The following EEFSEC variants were observed in gnomAD, a reference collection of about 807,000 sequenced individuals.
EEFSEC encodes the protein selenocysteine-specific elongation factor.
Under a neutral mutation model 42.1 loss-of-function variants are expected in EEFSEC, and 43 were observed. The observed-to-expected ratio is 1.02, with a 90% CI of 0.80 to 1.32. The LOEUF (loss-of-function observed/expected upper bound fraction) is 1.32. Ranked by LOEUF, EEFSEC falls within the 40% of genes most tolerant of loss-of-function variation. The pLI is 0.00. For synonymous variants in EEFSEC, 354 were observed against 339.1 expected (o/e 1.04, Z -0.48); for missense variants, 745 against 803.6 (o/e 0.93, Z 0.88).
chr3:128,255,876 G>C (rs1014724807), intron 2 of EEFSEC, among the ~76,000 whole-genome samples: 5 of 152,150 alleles, frequency 3.3e-5, no homozygotes, highest in Non-Finnish European at 7.4e-5. Context: ...TATCAGCATG[G>C]GTTCCTGGAA....
intron 6 of EEFSEC, among the ~76,000 whole-genome samples, chr3:128,360,003 G>A (rs1328489346): frequency 6.6e-6 from 1 of 152,206 alleles, no homozygotes; most frequent in African/African-American, 2.4e-5. Context: ...ATGAGCAAGG[G>A]CAATGGTCAC....
chr3:128,395,803 C>A (rs574737024), intron 6 of EEFSEC, among the ~76,000 whole-genome samples: 9 of 152,228 alleles, frequency 5.9e-5, no homozygotes, highest in African/African-American at 2.2e-4. Context: ...ATACAGCACC[C>A]TCAGCCACAG....
At chr3:128,425,496 T>C in the EEFSEC span, among the ~76,000 whole-genome samples, 1 of 152,192 alleles carries the variant, frequency 6.6e-6, no homozygotes, top group Non-Finnish European at 1.5e-5. Context: ...CATCGGTGCT[T>C]CTCTCCCATA....
At chr3:128,263,067 G>A (rs909892997) in intron 3 of EEFSEC, among the ~76,000 whole-genome samples, 2 of 152,194 alleles carry the variant, frequency 1.3e-5, no homozygotes, top group Non-Finnish European at 2.9e-5. Context: ...GGTTAAATGA[G>A]TTAATGTGTA....
chr3:128,233,378 G>A (rs535472384), intron 1 of EEFSEC, among the ~76,000 whole-genome samples: 19 of 152,312 alleles, frequency 1.2e-4, no homozygotes, highest in African/African-American at 4.3e-4. Context: ...AATAGTAGAG[G>A]TAGTATCCAT....
intron 6 of EEFSEC, among the ~76,000 whole-genome samples, chr3:128,397,791 C>T (rs2067999328): frequency 6.6e-6 from 1 of 152,278 alleles, no homozygotes; most frequent in Non-Finnish European, 1.5e-5. Context: ...CCCAGCTGCT[C>T]TGGCCCATGG....
At chr3:128,219,587 A>G (rs1017141302) in intron 1 of EEFSEC, among the ~76,000 whole-genome samples, 1 of 151,876 alleles carries the variant, frequency 6.6e-6, no homozygotes, top group East Asian at 1.9e-4. Context: ...ACCTCCCACC[A>G]CTTTATCCCA....
At chr3:128,370,126 G>T (rs929521084) in intron 6 of EEFSEC, among the ~76,000 whole-genome samples, 2 of 152,216 alleles carry the variant, frequency 1.3e-5, no homozygotes, top group African/African-American at 4.8e-5. Context: ...GCCCAGGTTG[G>T]TTGTTTCCCA....
intron 1 of EEFSEC, among the ~76,000 whole-genome samples, chr3:128,210,729 C>T (rs2065747522): frequency 6.6e-6 from 1 of 152,212 alleles, no homozygotes; most frequent in African/African-American, 2.4e-5. Flanking sequence ...AGCCTTGATT[C>T]ACACGTGTCA....
In EEFSEC at chr3:128,341,439, C is replaced by A; in HGVS notation, c.993C>A (p.Thr331=). 6.2e-7 allele frequency: 1 copy of A among 1,614,194 alleles called. No homozygotes were observed. Among genetic ancestry groups the A allele is most frequent in the Non-Finnish European group, 8.5e-7 (1 of 1,180,034 alleles). ...CGTATTTCCGGGGGCCCCTGCAAAC[C>A]AAGGCCAAGTTCCACATTACAGTGG... The part of the protein sequence containing the change: ...KIPYFRGPLQ[T]KAKFHITVGH... Residue 331 remains threonine, a synonymous_variant, in exon 5 of 7, where the codon ACC becomes ACA. Transcript: ENST00000254730.
intron 6 of EEFSEC, among the ~76,000 whole-genome samples, chr3:128,404,526 G>A (rs1203790445): frequency 1.3e-5 from 2 of 152,044 alleles, no homozygotes; most frequent in African/African-American, 2.4e-5. Context: ...AGAGGGAGAC[G>A]GGCTGCCCAT....
intron 4 of EEFSEC, among the ~76,000 whole-genome samples, chr3:128,337,408 A>G (rs1249898174): frequency 6.6e-6 from 1 of 152,222 alleles, no homozygotes. Flanking sequence ...CATGCTTTGA[A>G]TAAAGCCTGC....
chr3:128,389,203 T>A (rs528013539), intron 6 of EEFSEC, among the ~76,000 whole-genome samples: 1 of 152,350 alleles, frequency 6.6e-6, no homozygotes, highest in Middle Eastern at 3.4e-3. Flanking sequence ...CGCAGACATC[T>A]GGAGCAGCAA....
intron 1 of EEFSEC, among the ~76,000 whole-genome samples, chr3:128,154,322 C>T (rs1944329276): frequency 6.6e-6 from 1 of 152,182 alleles, no homozygotes; most frequent in African/African-American, 2.4e-5. Context: ...TTCCCTCATC[C>T]TTTTAGACAC....
intron 4 of EEFSEC, among the ~76,000 whole-genome samples, chr3:128,271,655 G>A (rs1045126019): frequency 3.3e-5 from 5 of 152,122 alleles, no homozygotes; most frequent in African/African-American, 4.8e-5. Context: ...CTTGGTTGTC[G>A]CCCTCAGGAG....
Position 128,341,487 on chromosome 3 carries a change from G to T in EEFSEC, c.1041G>T (p.Arg347=). ...ITVGHETVMG[R]LMFFSPAPDN... ...TGGGCCATGAAACAGTCATGGGCCG[G>T]TTGATGTTCTTCAGTCCTGCTCCAG... Residue 347 remains arginine (R), a synonymous_variant, in exon 5 of 7, where the codon CGG becomes CGT. Transcript: ENST00000254730. The T allele has an allele frequency of 6.2e-7, 1 of 1,614,170 alleles. No individual in the cohort carries two copies. Among genetic ancestry groups the T allele is most frequent in the Non-Finnish European group, 8.5e-7 (1 of 1,180,038 alleles).
downstream of EEFSEC, among the ~76,000 whole-genome samples, chr3:128,409,341 G>A (rs192323056): frequency 9.6e-4 from 146 of 151,758 alleles, no homozygotes; most frequent in Middle Eastern, 0.014. Context: ...AAATGACTTG[G>A]GCCTGTTAAG....
At chr3:128,338,056 T>G (rs900892091) in intron 4 of EEFSEC, among the ~76,000 whole-genome samples, 1 of 152,190 alleles carries the variant, frequency 6.6e-6, no homozygotes, top group Non-Finnish European at 1.5e-5. Context: ...ATACACAAGG[T>G]GCAGCAGATG....
chr3:128,363,364 G>A (rs1013145164), intron 6 of EEFSEC, among the ~76,000 whole-genome samples: 22 of 152,190 alleles, frequency 1.4e-4, no homozygotes, highest in African/African-American at 4.8e-4. Context: ...CCTGAGATTC[G>A]AACCCAGAGC....
Sources: gnomAD v4.1 joint callset for allele counts (sites outside exome capture counted in the v4.1 genomes callset) on GRCh38, gnomAD v4.1.1 for gene constraint, MANE v1.5 for transcripts, NCBI Gene and HGNC (gene_info 2026-07-23, HGNC 2026-07-21) for gene names.